The following TTC27 variants were observed in gnomAD, a reference collection of about 807,000 sequenced individuals.
TTC27 encodes the protein tetratricopeptide repeat domain 27.
Under a neutral mutation model 115.9 loss-of-function variants are expected in TTC27, and 79 were observed. That is an observed-to-expected ratio of 0.68 (90% CI 0.57 to 0.82). The LOEUF is 0.82. TTC27 is among the 40% of genes least tolerant of loss of function. The probability of loss-of-function intolerance (pLI) is 0.00; values close to 1 mark genes in which losing one functional copy is unlikely to be tolerated. For missense variants in TTC27, 1,054 were observed against 993.1 expected (o/e 1.06, Z -0.82); for synonymous variants, 401 against 356.0 (o/e 1.13, Z -1.42).
intron 12 of TTC27, among the ~76,000 whole-genome samples, chr2:32,749,016 G>C (rs1668922517): frequency 6.6e-6 from 1 of 151,918 alleles, no homozygotes; most frequent in Admixed American, 6.6e-5. Flanking sequence ...CCTGTACCAG[G>C]GATTACTTAA....
intron 10 of TTC27, among the ~76,000 whole-genome samples, chr2:32,712,912 T>C (rs1000656343): frequency 2.0e-5 from 3 of 152,228 alleles, no homozygotes; most frequent in East Asian, 3.8e-4. Context: ...CTGTGGTTTA[T>C]GTGCATCTCC....
chr2:32,757,880 T>C (rs1669293554), intron 12 of TTC27, among the ~76,000 whole-genome samples: 1 of 152,174 alleles, frequency 6.6e-6, no homozygotes, highest in Non-Finnish European at 1.5e-5. Context: ...TTTTGTATTT[T>C]TAGTAGAGAC....
At chr2:32,705,813 C>T (rs58987318) in intron 10 of TTC27, among the ~76,000 whole-genome samples, 1 of 152,190 alleles carries the variant, frequency 6.6e-6, no homozygotes, top group East Asian at 1.9e-4. Context: ...CTTGGCCTCC[C>T]AAAGTGCTTG....
intron 10 of TTC27, among the ~76,000 whole-genome samples, chr2:32,731,441 C>G (rs371728385): frequency 6.6e-6 from 1 of 152,174 alleles, no homozygotes; most frequent in South Asian, 2.1e-4. Flanking sequence ...GTGGCACAAA[C>G]CTAGCTCACT....
At chr2:32,697,556 A>G (rs955535569) in intron 9 of TTC27, among the ~76,000 whole-genome samples, 13 of 152,234 alleles carry the variant, frequency 8.5e-5, no homozygotes, top group African/African-American at 3.1e-4. Flanking sequence ...AAAATAGAAA[A>G]TAACCAAAAT....
intron 13 of TTC27, among the ~76,000 whole-genome samples, chr2:32,776,144 T>C (rs995668914): frequency 6.6e-6 from 1 of 152,208 alleles, no homozygotes; most frequent in African/African-American, 2.4e-5. Context: ...TACCTGTCCC[T>C]CTAACAAAAT....
chr2:32,659,295 A>G (rs1387911098), intron 5 of TTC27, among the ~76,000 whole-genome samples: 2 of 149,278 alleles, frequency 1.3e-5, no homozygotes, highest in Non-Finnish European at 1.5e-5. Flanking sequence ...GAAATTCTAC[A>G]TTCTCTCTGA....
chr2:32,791,021 T>C (rs1331346531), intron 16 of TTC27, among the ~76,000 whole-genome samples: 2 of 152,248 alleles, frequency 1.3e-5, no homozygotes, highest in Admixed American at 6.5e-5. Flanking sequence ...TAATTTTGAC[T>C]AATGTATAGT....
At chr2:32,744,282 C>T (rs1011338090) in intron 12 of TTC27, among the ~76,000 whole-genome samples, 1 of 152,114 alleles carries the variant, frequency 6.6e-6, no homozygotes, top group African/African-American at 2.4e-5. Context: ...TGTGATTTTC[C>T]ACACTTTTAA....
At chr2:32,700,742 G>A (rs533230352) in intron 9 of TTC27, among the ~76,000 whole-genome samples, 177 of 152,094 alleles carry the variant, frequency 1.2e-3, no homozygotes, top group African/African-American at 3.1e-3. Context: ...GTTTCATCAC[G>A]TTGGCCAGGT....
chr2:32,753,653 G>T (rs956432282), intron 12 of TTC27, among the ~76,000 whole-genome samples: 1 of 151,950 alleles, frequency 6.6e-6, no homozygotes, highest in Non-Finnish European at 1.5e-5. Context: ...CACTATGGTG[G>T]CCAGGCTTGT....
At chr2:32,797,190 A>G (rs1231283620) in intron 16 of TTC27, among the ~76,000 whole-genome samples, 32 of 151,238 alleles carry the variant, frequency 2.1e-4, no homozygotes, top group South Asian at 2.1e-3. Flanking sequence ...AAAAAAAAAA[A>G]AGAGACAGTG....
chr2:32,813,670 A>T (rs959388570), intron 18 of TTC27, among the ~76,000 whole-genome samples: 1 of 152,240 alleles, frequency 6.6e-6, no homozygotes, highest in African/African-American at 2.4e-5. Context: ...TAAAAAAACA[A>T]AAATTAAGAA....
intron 10 of TTC27, among the ~76,000 whole-genome samples, chr2:32,719,170 T>A (rs756995168): frequency 8.5e-5 from 13 of 152,254 alleles, no homozygotes; most frequent in Middle Eastern, 3.4e-3. Flanking sequence ...GAATACAGGG[T>A]CACCCTCACC....
intron 13 of TTC27, among the ~76,000 whole-genome samples, chr2:32,763,393 T>G (rs1479845994): frequency 6.6e-6 from 1 of 152,236 alleles, no homozygotes; most frequent in African/African-American, 2.4e-5. Flanking sequence ...TCCTCTTTTT[T>G]AGACATATCC....
At chr2:32,725,279 T>C (rs1369742871) in intron 10 of TTC27, among the ~76,000 whole-genome samples, 1 of 152,058 alleles carries the variant, frequency 6.6e-6, no homozygotes, top group Non-Finnish European at 1.5e-5. Context: ...AAGTCCACAT[T>C]CCGAAGTCTC....
chr2:32,705,730 T>A (rs1667345649), intron 10 of TTC27, among the ~76,000 whole-genome samples: 1 of 152,054 alleles, frequency 6.6e-6, no homozygotes, highest in African/African-American at 2.4e-5. Flanking sequence ...GATAGTTTTT[T>A]AATTTGTCAT....
intron 16 of TTC27, among the ~76,000 whole-genome samples, chr2:32,793,002 G>A (rs1030761207): frequency 6.6e-6 from 1 of 152,146 alleles, no homozygotes; most frequent in African/African-American, 2.4e-5. Flanking sequence ...GTGAGAAATA[G>A]GGTTGGGACA....
chr2:32,784,437 C>A (rs920907763), intron 15 of TTC27, among the ~76,000 whole-genome samples: 1 of 152,174 alleles, frequency 6.6e-6, no homozygotes, highest in African/African-American at 2.4e-5. Flanking sequence ...CTCAGAAGAT[C>A]CTATTCATGC....
Sources: allele counts gnomAD v4.1 joint callset (sites outside exome capture counted in the v4.1 genomes callset), GRCh38; gene constraint gnomAD v4.1.1; transcripts MANE v1.5; gene names NCBI Gene and HGNC (gene_info 2026-07-23, HGNC 2026-07-21).